VCL: variants seen among roughly 807,000 people sequenced by gnomAD.
VCL encodes epididymis luminal protein 114.
VCL carries 47 observed loss-of-function variants against 125.7 expected under a neutral mutation model. The ratio of observed to expected loss-of-function variants is 0.37; its 90% CI spans 0.30 to 0.48. VCL has a LOEUF of 0.48. Among genes scored for constraint, VCL ranks in the 20% least tolerant of loss-of-function variants. VCL has a pLI of 0.99. For missense variants in VCL, 1,069 were observed against 1,455.5 expected, an observed-to-expected ratio of 0.73 and a Z score of 4.32; for synonymous variants, 458 against 514.6, an observed-to-expected ratio of 0.89 and a Z score of 1.49.
At chr10:74,027,750 T>C (rs1840802034) in intron 1 of VCL, 1 of 151,504 alleles carries the variant, frequency 6.6e-6, no homozygotes, top group Admixed American at 6.6e-5. Flanking sequence ...TTTGAAGGAA[T>C]TGAGGAGCTA....
chr10:74,018,810 C>G (rs1379725274), intron 1 of VCL, among the ~76,000 whole-genome samples: 1 of 152,176 alleles, frequency 6.6e-6, no homozygotes, highest in African/African-American at 2.4e-5. Flanking sequence ...CCCAGTTTCC[C>G]TCCTCATAGG....
At chr10:74,028,116 C>G (rs1389349591) in intron 1 of VCL, among the ~76,000 whole-genome samples, 1 of 152,154 alleles carries the variant, frequency 6.6e-6, no homozygotes, top group Non-Finnish European at 1.5e-5. Context: ...CCCCCTGTTG[C>G]CCAGGCCAGA....
chr10:74,008,074 G>A (rs957787582), intron 1 of VCL, among the ~76,000 whole-genome samples: 4 of 152,144 alleles, frequency 2.6e-5, no homozygotes, highest in Non-Finnish European at 4.4e-5. Context: ...AAAGTGCTGG[G>A]ATTATAGGCA....
At chr10:74,004,268 A>G (rs1840278720) in intron 1 of VCL, among the ~76,000 whole-genome samples, 1 of 152,174 alleles carries the variant, frequency 6.6e-6, no homozygotes, top group South Asian at 2.1e-4. Flanking sequence ...TATTTATGTG[A>G]TCATTTATAG....
chr10:74,058,023 T>TTAAA (rs1179369007), intron 2 of VCL, among the ~76,000 whole-genome samples: 1 of 152,192 alleles, frequency 6.6e-6, no homozygotes, highest in African/African-American at 2.4e-5. Flanking sequence ...CTTCTCAGAC[T>TTAAA]GGGAAGTGAT....
At chr10:74,043,267 T>G (rs1841129900) in intron 2 of VCL, 114 bp downstream of exon 2, 4 of 974,908 alleles carry the variant, frequency 4.1e-6, no homozygotes, top group African/African-American at 1.6e-5. Flanking sequence ...TGTTTACAAT[T>G]GAAATTTCAA....
Position 74,080,826 on chromosome 10 carries a change from G to T in VCL, c.784-1628G>T, listed in dbSNP as rs188675822. On this transcript the variant is annotated intron_variant, in intron 6 of 21. Coordinates refer to ENST00000211998, the MANE Select transcript of VCL (RefSeq NM_014000.3). ...AGGCTACCCAGTTCTCTGAGGTTAG[G>T]AGTTGCCTGGCCTCAAGTCTTTTAA... 2.3e-3 allele frequency among the ~76,000 whole-genome samples: 357 copies of T among 152,282 alleles called. 1 individual carries two copies. The highest frequency in any genetic ancestry group is 3.4e-3 in the Middle Eastern group (1 of 294).
intron 15 of VCL, among the ~76,000 whole-genome samples, chr10:74,104,723 C>T (rs1840106319): frequency 1.3e-5 from 2 of 152,214 alleles, no homozygotes; most frequent in Admixed American, 6.5e-5. Flanking sequence ...TCACAGATAA[C>T]GTGGTGGTGA....
chr10:74,040,987 G>A (rs957444799), intron 1 of VCL, among the ~76,000 whole-genome samples: 2 of 152,114 alleles, frequency 1.3e-5, no homozygotes, highest in African/African-American at 4.8e-5. Flanking sequence ...CTCCCAAGCA[G>A]CTGGGACCAT....
rs141544441 is a variant in VCL, at chr10:74,095,690, G to A, written c.1578G>A (p.Gly526=). The change falls in exon 12 of 22, where the codon GGG becomes GGA. Residue 526 remains glycine (G), a synonymous_variant. Transcript: ENST00000211998. The part of the protein sequence containing the change: ...QAAIRGLVAE[G]HRLANVMMGP... ...CCATCCGGGGGCTTGTGGCCGAAGGGCATCGTCTGGCTAATGTTATGATGG... is the reference window on the plus strand; with the variant it reads ...CCATCCGGGGGCTTGTGGCCGAAGGACATCGTCTGGCTAATGTTATGATGG... The A allele has an allele frequency of 6.2e-7, 1 of 1,614,148 alleles. No individual in the cohort carries two copies. Among genetic ancestry groups the A allele is most frequent in the Non-Finnish European group, 8.5e-7 (1 of 1,180,040 alleles).
intron 21 of VCL, among the ~76,000 whole-genome samples, chr10:74,116,824 A>C (rs1364490594): frequency 2.0e-5 from 3 of 152,234 alleles, no homozygotes; most frequent in Non-Finnish European, 4.4e-5. Flanking sequence ...TTGCTGACCA[A>C]GTGAAAAGAA....
intron 2 of VCL, among the ~76,000 whole-genome samples, chr10:74,059,408 A>C (rs1437346223): frequency 6.7e-6 from 1 of 149,082 alleles, no homozygotes; most frequent in Non-Finnish European, 1.5e-5. Context: ...TTGCACCCAT[A>C]CTTTTTTTTT....
chr10:74,111,666 AG>A (rs1393257116), intron 18 of VCL, among the ~76,000 whole-genome samples: 1 of 152,178 alleles, frequency 6.6e-6, no homozygotes, highest in Non-Finnish European at 1.5e-5. Flanking sequence ...TTTCTCTAGA[AG>A]CCCTTTGCCA....
chr10:74,073,129 C>T (rs748408962), intron 5 of VCL, among the ~76,000 whole-genome samples: 5 of 151,874 alleles, frequency 3.3e-5, no homozygotes, highest in African/African-American at 7.3e-5. Context: ...TCAGTAGAGA[C>T]GGGGTTTCAC....
chr10:74,022,214 A>G (rs1397971020), intron 1 of VCL, among the ~76,000 whole-genome samples: 1 of 152,186 alleles, frequency 6.6e-6, no homozygotes, highest in African/African-American at 2.4e-5. Flanking sequence ...GGAAAAAAAC[A>G]GAAGATGAAT....
chr10:74,065,654 C>T (rs556752183), intron 2 of VCL, among the ~76,000 whole-genome samples: 26 of 150,238 alleles, frequency 1.7e-4, no homozygotes, highest in South Asian at 8.4e-4. Context: ...CTGCACCTGC[C>T]GCCTGGGCAA....
intron 1 of VCL, among the ~76,000 whole-genome samples, chr10:74,014,370 T>G (rs1281887263): frequency 6.6e-6 from 1 of 152,022 alleles, no homozygotes; most frequent in Non-Finnish European, 1.5e-5. Flanking sequence ...TAGCTAGGAC[T>G]ACAAGCATGT....
chr10:74,085,778 C>T (rs1194161703), intron 8 of VCL, among the ~76,000 whole-genome samples: 2 of 152,156 alleles, frequency 1.3e-5, no homozygotes, highest in African/African-American at 2.4e-5. Flanking sequence ...AGAAACACTC[C>T]TCTACATGCA....
intron 8 of VCL, among the ~76,000 whole-genome samples, chr10:74,084,015 C>T (rs531910446): frequency 1.4e-4 from 21 of 152,124 alleles, no homozygotes; most frequent in African/African-American, 4.6e-4. Flanking sequence ...TATAGGCGCC[C>T]GCCACCACGA....
Sources: gnomAD v4.1 joint callset for allele counts (sites outside exome capture counted in the v4.1 genomes callset) on GRCh38, gnomAD v4.1.1 for gene constraint, MANE v1.5 for transcripts, NCBI Gene and HGNC (gene_info 2026-07-23, HGNC 2026-07-21) for gene names.